Variants in ANKRD30A observed in about 807,000 individuals in gnomAD.
ANKRD30A encodes ankyrin repeat domain 30A, also known as ankyrin repeat domain-containing protein 30A.
In ANKRD30A, 170 loss-of-function variants were observed where a neutral mutation model predicts 166.3. That is an observed-to-expected ratio of 1.02 (90% CI 0.90 to 1.16). The LOEUF (loss-of-function observed/expected upper bound fraction) is 1.16, where lower values mean the gene tolerates loss of function less well. Ranked by LOEUF, ANKRD30A falls within the 50% of genes most tolerant of loss-of-function variation. The probability of loss-of-function intolerance (pLI) is 0.00; values close to 1 mark genes in which losing one functional copy is unlikely to be tolerated. For synonymous variants in ANKRD30A, 564 were observed against 508.9 expected, an observed-to-expected ratio of 1.11 and a Z score of -1.46; for missense variants, 1,630 against 1,518.0, an observed-to-expected ratio of 1.07 and a Z score of -1.23.
At chr10:37,153,406 T>A (rs1838109483) in intron 12 of ANKRD30A, among the ~76,000 whole-genome samples, 166 bp from the exon 13 acceptor site, 1 of 152,110 alleles carries the variant, frequency 6.6e-6, no homozygotes, top group Admixed American at 6.6e-5. Flanking sequence ...TTGTGTGAGG[T>A]TTTCTATCAA....
At chr10:37,212,666 C>T (rs982096068) in intron 31 of ANKRD30A, among the ~76,000 whole-genome samples, 2 of 151,998 alleles carry the variant, frequency 1.3e-5, no homozygotes, top group Non-Finnish European at 2.9e-5. Flanking sequence ...GGTACCAAAA[C>T]AGAGATATAG....
the ANKRD30A span, among the ~76,000 whole-genome samples, chr10:37,247,376 T>G: frequency 6.6e-6 from 1 of 152,204 alleles, no homozygotes. Context: ...TTTATGATGC[T>G]TTTAGTGTTC....
chr10:37,242,394 TCTC>T, the ANKRD30A span, among the ~76,000 whole-genome samples: 4 of 152,160 alleles, frequency 2.6e-5, no homozygotes. Flanking sequence ...CTGCTGAACA[TCTC>T]CTCTGTCATG....
chr10:37,201,246 G>T lies in ANKRD30A; in HGVS notation c.2790G>T (p.Glu930Asp), dbSNP rs751229320. The change falls in exon 31 of 36, where the codon GAG (glutamate) becomes GAT (aspartate). Residue 930 changes from glutamate (E) to aspartate (D), a missense_variant. Transcript: ENST00000361713. ...ENSWDSESLR[E>D]TVSQKDVCVP... ...ATTACTTTTAACAGAGTCTCCGTGAGACTGTTTCACAGAAGGATGTGTGTG... is the reference window on the plus strand; with the variant it reads ...ATTACTTTTAACAGAGTCTCCGTGATACTGTTTCACAGAAGGATGTGTGTG... The T allele has an allele frequency of 6.3e-6, 10 of 1,580,874 alleles. No individual in the cohort carries two copies. The East Asian group carries it at 1.6e-4, about 26-fold the overall frequency.
chr10:37,129,828 A>G (rs989567967), intron 1 of ANKRD30A, 65 bp from the exon 2 acceptor site: 7 of 918,606 alleles, frequency 7.6e-6, no homozygotes, highest in East Asian at 6.0e-5. Flanking sequence ...TTACAGTTAC[A>G]TAACTCATTG....
chr10:37,183,386 C>G (rs1433618134), intron 24 of ANKRD30A, among the ~76,000 whole-genome samples: 1 of 145,622 alleles, frequency 6.9e-6, no homozygotes, highest in African/African-American at 2.5e-5. Flanking sequence ...ATGCTCAGAT[C>G]AGAAGCTAGA....
chr10:37,246,122 A>G, the ANKRD30A span, among the ~76,000 whole-genome samples: 1 of 152,218 alleles, frequency 6.6e-6, no homozygotes, highest in East Asian at 1.9e-4. Flanking sequence ...CAAAGTGAGA[A>G]CACCAAGGTG....
intron 31 of ANKRD30A, among the ~76,000 whole-genome samples, chr10:37,210,241 C>T (rs1272642495): frequency 2.0e-5 from 3 of 152,094 alleles, no homozygotes. Flanking sequence ...TGCTAGTTTG[C>T]TGAGAATGAT....
chr10:37,159,936 T>G (rs1377256472), intron 15 of ANKRD30A, among the ~76,000 whole-genome samples: 2 of 152,270 alleles, frequency 1.3e-5, no homozygotes, highest in South Asian at 4.1e-4. Flanking sequence ...CCTGACCTTG[T>G]GATCCGCCCA....
intron 30 of ANKRD30A, 100 bp from the exon 31 acceptor site, chr10:37,201,135 A>C (rs1841588498): frequency 1.0e-5 from 10 of 957,764 alleles, no homozygotes; most frequent in African/African-American, 7.1e-5. Flanking sequence ...CTTGCAAAAT[A>C]GGACTTTTTT....
chr10:37,147,926 C>T (rs1457516080), intron 9 of ANKRD30A, among the ~76,000 whole-genome samples: 3 of 152,186 alleles, frequency 2.0e-5, no homozygotes, highest in African/African-American at 7.2e-5. Flanking sequence ...TCTCACTTTT[C>T]CTGTCTTTCT....
rs903080436 is a variant in ANKRD30A at position 37,219,972 on chromosome 10, A to T, written c.4185+75A>T. 243 of 892,790 alleles carry T rather than the reference A, an allele frequency of 2.7e-4. 1 individual carries two copies. Among genetic ancestry groups the T allele is most frequent in the Non-Finnish European group, 3.1e-4 (207 of 673,822 alleles). The allele number at this position is 892,790 out of a possible 1,614,324, so 55.3% of individuals were successfully genotyped here. The stretch of plus-strand genomic sequence containing the variant: ...TAAAGTCATATTTGGCCTTGGCTAA[A>T]TGCTGAATCTAGTTGAATATATATA... On this transcript the variant is annotated intron_variant, in intron 34 of 35. Coordinates refer to ENST00000361713, the MANE Select transcript of ANKRD30A (RefSeq NM_052997.3).
chr10:37,126,077 G>T, intron 1 of ANKRD30A, 69 bp downstream of exon 1: 2 of 1,543,584 alleles, frequency 1.3e-6, no homozygotes, highest in Non-Finnish European at 1.8e-6. Context: ...CCCCTTCAGA[G>T]TCGGGGGCTG....
At chr10:37,194,602 C>T (rs1003923383) in intron 27 of ANKRD30A, among the ~76,000 whole-genome samples, 2 of 152,094 alleles carry the variant, frequency 1.3e-5, no homozygotes, top group African/African-American at 4.8e-5. Context: ...GTCTCGGCCT[C>T]CCAAAGTACT....
rs766052330 is a variant in ANKRD30A at position 37,219,248 on chromosome 10, C to T, written c.3536C>T (p.Thr1179Ile). 12 of 1,610,468 alleles carry T rather than the reference C, an allele frequency of 7.5e-6. 1 individual carries two copies. In the Admixed American group the frequency reaches 2.0e-4, roughly 27 times the overall value. ...CTGATAGCTGAGAACACAATGCTCACTTCTAAATTGAAGGAAAAACAAGAC... is the reference window on the plus strand; with the variant it reads ...CTGATAGCTGAGAACACAATGCTCATTTCTAAATTGAAGGAAAAACAAGAC... ...KVLIAENTMLTSKLKEKQDKE... is the reference protein window; with the variant it reads ...KVLIAENTMLISKLKEKQDKE... Residue 1179 changes from threonine (T) to isoleucine (I), a missense_variant, in exon 34 of 36, where the codon ACT (threonine) becomes ATT (isoleucine). Thr to Ile is a moderately conservative substitution (Grantham distance 89). Coordinates refer to ENST00000361713, the MANE Select transcript of ANKRD30A (RefSeq NM_052997.3).
chr10:37,161,823 C>T (rs1168346764), intron 15 of ANKRD30A, among the ~76,000 whole-genome samples: 3 of 152,070 alleles, frequency 2.0e-5, no homozygotes, highest in African/African-American at 4.8e-5. Flanking sequence ...TGCCATTCCA[C>T]AAAAAATTTA....
chr10:37,265,510 C>T, the ANKRD30A span, among the ~76,000 whole-genome samples: 1 of 152,200 alleles, frequency 6.6e-6, no homozygotes, highest in South Asian at 2.1e-4. Context: ...AGCCAGTCTT[C>T]CCACTTCTAA....
intron 31 of ANKRD30A, among the ~76,000 whole-genome samples, chr10:37,205,914 G>A (rs1476501813): frequency 3.3e-5 from 5 of 152,130 alleles, no homozygotes; most frequent in Non-Finnish European, 5.9e-5. Flanking sequence ...AGTTTTCATT[G>A]AAATAATTTG....
chr10:37,251,901 C>T, the ANKRD30A span, among the ~76,000 whole-genome samples: 1 of 152,124 alleles, frequency 6.6e-6, no homozygotes, highest in African/African-American at 2.4e-5. Flanking sequence ...AAATTTCTTT[C>T]AACCATCACA....
Sources: gnomAD v4.1 joint callset for allele counts (sites outside exome capture counted in the v4.1 genomes callset) on GRCh38, gnomAD v4.1.1 for gene constraint, MANE v1.5 for transcripts, NCBI Gene and HGNC (gene_info 2026-07-23, HGNC 2026-07-21) for gene names.